ERC2: variants seen among roughly 807,000 people sequenced by gnomAD.
The protein encoded by ERC2 is ELKS/RAB6-interacting/CAST family member 2.
A neutral mutation model predicts 114.8 loss-of-function variants in ERC2; 42 were observed. The observed-to-expected ratio is 0.37, with a 90% CI of 0.29 to 0.47. The LOEUF is 0.47. Ranked by LOEUF, ERC2 falls within the 20% of genes least tolerant of loss-of-function variation. The pLI, the probability that ERC2 is intolerant of heterozygous loss-of-function variation, is 0.99. For synonymous variants in ERC2, 454 were observed against 425.5 expected, an observed-to-expected ratio of 1.07 and a Z score of -0.82; for missense variants, 939 against 1,150.7, an observed-to-expected ratio of 0.82 and a Z score of 2.66.
intron 17 of ERC2, among the ~76,000 whole-genome samples, chr3:55,538,962 A>G (rs1429917756): frequency 6.6e-6 from 1 of 152,222 alleles, no homozygotes; most frequent in Non-Finnish European, 1.5e-5. Context: ...ACAATTGTGG[A>G]TTGGGTGGGC....
chr3:56,417,753 GAGGC>G (rs2061224374), intron 2 of ERC2, among the ~76,000 whole-genome samples: 1 of 152,172 alleles, frequency 6.6e-6, no homozygotes, highest in Admixed American at 6.5e-5. Context: ...CAGGAACCCA[GAGGC>G]AGGCTCCACT....
intron 3 of ERC2, among the ~76,000 whole-genome samples, chr3:56,270,145 T>C (rs1211250017): frequency 6.6e-6 from 1 of 151,552 alleles, no homozygotes; most frequent in Non-Finnish European, 1.5e-5. Context: ...ATCTCTAAGT[T>C]TCCAATGAGG....
chr3:56,249,943 C>T (rs2150229914), intron 3 of ERC2, among the ~76,000 whole-genome samples: 1 of 150,944 alleles, frequency 6.6e-6, no homozygotes, highest in African/African-American at 2.4e-5. Flanking sequence ...CCACAACCTC[C>T]ACCTCCCGGG....
chr3:55,921,305 A>G (rs2065414427), intron 13 of ERC2, among the ~76,000 whole-genome samples: 1 of 152,056 alleles, frequency 6.6e-6, no homozygotes, highest in African/African-American at 2.4e-5. Flanking sequence ...TATAAACACT[A>G]TCATCCTTAT....
chr3:56,074,240 G>A (rs1182372886), intron 7 of ERC2, among the ~76,000 whole-genome samples: 1 of 152,184 alleles, frequency 6.6e-6, no homozygotes, highest in East Asian at 1.9e-4. Context: ...CACTCTGAAC[G>A]AGTTCTTCTC....
chr3:55,775,578 A>T (rs1037974363), intron 14 of ERC2, among the ~76,000 whole-genome samples: 2 of 149,290 alleles, frequency 1.3e-5, no homozygotes, highest in Non-Finnish European at 3.0e-5. Context: ...ATAAATAAAT[A>T]AATAAAAAAG....
At chr3:56,285,286 A>G (rs764109622) in intron 3 of ERC2, among the ~76,000 whole-genome samples, 1 of 151,712 alleles carries the variant, frequency 6.6e-6, no homozygotes, top group Admixed American at 6.6e-5. Flanking sequence ...GGGTCACTCT[A>G]TACCAGCAGT....
At chr3:55,656,293 C>G (rs2060862220) in intron 17 of ERC2, among the ~76,000 whole-genome samples, 2 of 152,128 alleles carry the variant, frequency 1.3e-5, no homozygotes, top group South Asian at 4.1e-4. Context: ...AGTACACCCC[C>G]ACTTCCAACT....
intron 13 of ERC2, among the ~76,000 whole-genome samples, chr3:55,897,577 GGGA>G (rs2063903204): frequency 6.6e-6 from 1 of 152,250 alleles, no homozygotes; most frequent in East Asian, 1.9e-4. Flanking sequence ...TTGGTCCTGT[GGGA>G]ATAGCTGGAC....
intron 3 of ERC2, among the ~76,000 whole-genome samples, chr3:56,240,365 A>G (rs1395123789): frequency 6.6e-6 from 1 of 152,266 alleles, no homozygotes; most frequent in Non-Finnish European, 1.5e-5. Context: ...GTGTAAAATA[A>G]CTAATCTCAG....
chr3:56,144,341 A>C (rs534561514), intron 5 of ERC2, among the ~76,000 whole-genome samples: 97 of 152,342 alleles, frequency 6.4e-4, no homozygotes, highest in African/African-American at 2.3e-3. Context: ...TAAAATGATA[A>C]AAGATACTAA....
chr3:56,346,764 TTA>T (rs1225383246), intron 2 of ERC2, among the ~76,000 whole-genome samples: 1 of 152,136 alleles, frequency 6.6e-6, no homozygotes, highest in East Asian at 1.9e-4. Flanking sequence ...GAGAAGAAAT[TTA>T]TTTCTCACCG....
chr3:55,860,686 G>C (rs757960311), intron 14 of ERC2, among the ~76,000 whole-genome samples: 7 of 152,192 alleles, frequency 4.6e-5, no homozygotes, highest in Non-Finnish European at 7.3e-5. Flanking sequence ...AATGAGGTAA[G>C]AGTTGTGAGC....
intron 17 of ERC2, among the ~76,000 whole-genome samples, chr3:55,594,552 A>G (rs10222433): frequency 0.028 from 4,314 of 151,750 alleles, 203 homozygotes; most frequent in African/African-American, 0.098. Context: ...CGCGATTTTG[A>G]CTCACTGCAA....
intron 3 of ERC2, among the ~76,000 whole-genome samples, chr3:56,183,227 T>C (rs1228424470): frequency 2.0e-5 from 3 of 152,162 alleles, no homozygotes; most frequent in African/African-American, 4.8e-5. Flanking sequence ...TCTTTGTCCA[T>C]ACACAATAAA....
At chr3:56,199,856 G>A (rs532138767) in intron 3 of ERC2, among the ~76,000 whole-genome samples, 7 of 152,184 alleles carry the variant, frequency 4.6e-5, no homozygotes, top group African/African-American at 1.7e-4. Context: ...TGTGGAGAAT[G>A]GATGAAGGAG....
chr3:55,851,066 C>T (rs1159965663), intron 14 of ERC2, among the ~76,000 whole-genome samples: 1 of 152,108 alleles, frequency 6.6e-6, no homozygotes. Flanking sequence ...ATCCAGACCC[C>T]ATCAGATGTT....
intron 17 of ERC2, among the ~76,000 whole-genome samples, chr3:55,530,609 G>A (rs1261936445): frequency 6.6e-6 from 1 of 152,130 alleles, no homozygotes; most frequent in Non-Finnish European, 1.5e-5. Context: ...ATCTCCCTGC[G>A]AGAACCTCCT....
At chr3:56,054,420 T>G (rs1040127651) in intron 7 of ERC2, among the ~76,000 whole-genome samples, 1 of 152,380 alleles carries the variant, frequency 6.6e-6, no homozygotes, top group Admixed American at 6.5e-5. Flanking sequence ...GAAGTCTAGA[T>G]GTGGAACATG....
Sources: allele counts gnomAD v4.1 joint callset (sites outside exome capture counted in the v4.1 genomes callset), GRCh38; gene constraint gnomAD v4.1.1; transcripts MANE v1.5; gene names NCBI Gene and HGNC (gene_info 2026-07-23, HGNC 2026-07-21).